The following HDX variants were observed in gnomAD, a reference collection of about 807,000 sequenced individuals.
HDX encodes the protein chromosome X open reading frame 43.
A neutral mutation model predicts 45.2 loss-of-function variants in HDX; 19 were observed. The observed-to-expected ratio is 0.42, with a 90% CI of 0.29 to 0.62. HDX has a LOEUF of 0.62. Ranked by LOEUF, HDX falls within the 20% of genes least tolerant of loss-of-function variation. The probability of loss-of-function intolerance (pLI) is 0.20; values close to 1 mark genes in which losing one functional copy is unlikely to be tolerated. For missense variants in HDX, 532 were observed against 493.9 expected (o/e 1.08, Z -0.73); for synonymous variants, 188 against 172.8 (o/e 1.09, Z -0.69).
intron 4 of HDX, 49 bp downstream of exon 4, chrX:84,468,423 G>C (rs1483997156): frequency 1.2e-6 from 1 of 818,938 alleles, no homozygotes; most frequent in African/African-American, 2.1e-5. Flanking sequence ...AATCTAACTG[G>C]ATACACACAC....
chrX:84,388,887 T>C (rs1569310962), intron 5 of HDX, among the ~76,000 whole-genome samples: 2 of 111,664 alleles, frequency 1.8e-5, no homozygotes, highest in Non-Finnish European at 3.8e-5. Context: ...AGGGACACTC[T>C]GGCTTTTTTA....
intron 2 of HDX, among the ~76,000 whole-genome samples, chrX:84,485,430 G>A (rs909197759): frequency 8.9e-6 from 1 of 111,912 alleles, no homozygotes; most frequent in Non-Finnish European, 1.9e-5. Context: ...TTGTAACATA[G>A]TCTCACTCCA....
rs778785526 is a variant in HDX, at chrX:84,469,114, T to G, written c.609A>C (p.Gln203His). ...TTTGAGGTACTGTCATTTCAGAAGC[T>G]TGTACTGAAGAGTTTCCATAGTTTT... ...AKKNYGNSSV[Q>H]ASEMTVPQKP... Residue 203 changes from glutamine to histidine, a missense_variant, in exon 4 of 11, where the codon CAA becomes CAC. Physicochemically the swap from Gln to His is conservative, Grantham distance 24. This residue lies in a region of HDX where 376 missense variants were observed against 343.7 expected (regional missense o/e 1.09). Coordinates refer to ENST00000373177, the MANE Select transcript of HDX (RefSeq NM_001177479.2). 5 of 1,209,302 alleles carry G rather than the reference T, an allele frequency of 4.1e-6. No individual in the cohort carries two copies. The East Asian group carries it at 1.2e-4, about 29-fold the overall frequency.
At chrX:84,453,741 G>A (rs1484970793) in intron 4 of HDX, among the ~76,000 whole-genome samples, 1 of 111,658 alleles carries the variant, frequency 9.0e-6, no homozygotes, top group East Asian at 2.8e-4. Context: ...CAACAGCCAG[G>A]GCAGCCAAGG....
At chrX:84,327,861 T>A (rs1242601788) in intron 9 of HDX, among the ~76,000 whole-genome samples, 1 of 111,414 alleles carries the variant, frequency 9.0e-6, no homozygotes, top group Non-Finnish European at 1.9e-5. Flanking sequence ...ACTTGCTCTG[T>A]TGCCCATACT....
intron 5 of HDX, among the ~76,000 whole-genome samples, chrX:84,414,555 G>A (rs60588322): frequency 0.12 from 12,679 of 108,614 alleles, 628 homozygotes; most frequent in South Asian, 0.29. Flanking sequence ...CCCTGTTCCA[G>A]GTATGTCGAG....
chrX:84,406,855 T>C (rs1393486641), intron 5 of HDX, among the ~76,000 whole-genome samples: 2 of 111,025 alleles, frequency 1.8e-5, no homozygotes, highest in Non-Finnish European at 3.8e-5. Flanking sequence ...CATAAACTCA[T>C]ACTAAAAATT....
intron 4 of HDX, among the ~76,000 whole-genome samples, chrX:84,444,930 A>C (rs1406016449): frequency 8.9e-6 from 1 of 111,831 alleles, no homozygotes; most frequent in African/African-American, 3.2e-5. Flanking sequence ...TCTTAAAGGA[A>C]TTTTTGCTGT....
At chrX:84,382,956 T>A (rs901216449) in intron 5 of HDX, among the ~76,000 whole-genome samples, 2 of 111,334 alleles carry the variant, frequency 1.8e-5, no homozygotes, top group African/African-American at 3.3e-5. Flanking sequence ...AAACATCTCA[T>A]GCGCCGCATA....
chrX:84,434,599 A>G (rs1271272410), intron 5 of HDX, among the ~76,000 whole-genome samples: 1 of 110,997 alleles, frequency 9.0e-6, no homozygotes, highest in East Asian at 2.8e-4. Flanking sequence ...TTTTGTATCT[A>G]TGTTCTTCAG....
intron 4 of HDX, among the ~76,000 whole-genome samples, chrX:84,443,007 C>T (rs141695783): frequency 0.015 from 1,641 of 111,608 alleles, 27 homozygotes; most frequent in African/African-American, 0.051. Flanking sequence ...GAAGAAAATA[C>T]AAAACTCCTA....
chrX:84,353,546 A>G (rs758511968), intron 6 of HDX, among the ~76,000 whole-genome samples: 1 of 111,553 alleles, frequency 9.0e-6, no homozygotes, highest in Non-Finnish European at 1.9e-5. Flanking sequence ...ACAATTAAGA[A>G]TAAATTTCTG....
chrX:84,379,712 A>C, intron 5 of HDX, among the ~76,000 whole-genome samples: 1 of 110,928 alleles, frequency 9.0e-6, no homozygotes, highest in Non-Finnish European at 1.9e-5. Context: ...ACCAAAACCT[A>C]TGGGATACAG....
chrX:84,440,492 G>A (rs759366278), intron 5 of HDX, 40 bp downstream of exon 5: 1 of 978,845 alleles, frequency 1.0e-6, no homozygotes, highest in East Asian at 3.1e-5. Context: ...AACAGCACAA[G>A]GGGAAACCCA....
At chrX:84,471,657 G>C (rs1026629970) in intron 3 of HDX, among the ~76,000 whole-genome samples, 1 of 109,054 alleles carries the variant, frequency 9.2e-6, no homozygotes. Context: ...CATCTCTATT[G>C]GCCATTTTAT....
chrX:84,398,547 C>T (rs998326017), intron 5 of HDX, among the ~76,000 whole-genome samples: 2 of 112,017 alleles, frequency 1.8e-5, no homozygotes, highest in African/African-American at 3.2e-5. Context: ...GCACCCAATA[C>T]AGGAGCACCC....
intron 8 of HDX, among the ~76,000 whole-genome samples, chrX:84,336,558 T>C (rs2036967477): frequency 9.0e-6 from 1 of 111,618 alleles, no homozygotes. Context: ...ATCATATACA[T>C]ACCAAGTATT....
chrX:84,419,314 G>A (rs1421072944), intron 5 of HDX, among the ~76,000 whole-genome samples: 1 of 110,710 alleles, frequency 9.0e-6, no homozygotes, highest in African/African-American at 3.3e-5. Context: ...CTGTCCTAAA[G>A]TGTGAACCCC....
chrX:84,465,173 C>G (rs1333870673), intron 4 of HDX, among the ~76,000 whole-genome samples: 1 of 111,941 alleles, frequency 8.9e-6, no homozygotes, highest in Non-Finnish European at 1.9e-5. Context: ...CAGGAAACAA[C>G]AAATGCTGGA....
Sources: gnomAD v4.1 joint callset for allele counts (sites outside exome capture counted in the v4.1 genomes callset) on GRCh38, gnomAD v4.1.1 for gene constraint, gnomAD v4.1.1 regional missense constraint, MANE v1.5 for transcripts, NCBI Gene and HGNC (gene_info 2026-07-23, HGNC 2026-07-21) for gene names.